Variants in PLCL1 observed in about 807,000 individuals in gnomAD.
PLCL1 encodes inactive phospholipase C-like protein 1.
PLCL1 carries 41 observed loss-of-function variants against 84.4 expected under a neutral mutation model. The observed-to-expected ratio is 0.49, with a 90% CI of 0.38 to 0.63. The LOEUF (loss-of-function observed/expected upper bound fraction) is 0.63. Ranked by LOEUF, PLCL1 falls within the 30% of genes least tolerant of loss-of-function variation. PLCL1 has a pLI of 0.00. For missense variants in PLCL1, 1,206 were observed against 1,367.8 expected, an observed-to-expected ratio of 0.88 and a Z score of 1.87; for synonymous variants, 490 against 488.3, an observed-to-expected ratio of 1.00 and a Z score of -0.05.
chr2:198,049,809 G>A (rs1462697824), intron 1 of PLCL1, among the ~76,000 whole-genome samples: 5 of 152,184 alleles, frequency 3.3e-5, no homozygotes, highest in Admixed American at 3.3e-4. Flanking sequence ...TCCATTGAAC[G>A]ATGAAACTGG....
chr2:198,075,692 T>A (rs1056057050), intron 1 of PLCL1, among the ~76,000 whole-genome samples: 3 of 152,210 alleles, frequency 2.0e-5, no homozygotes, highest in Non-Finnish European at 2.9e-5. Flanking sequence ...CTCATGAACA[T>A]CTTTAATGTT....
intron 1 of PLCL1, among the ~76,000 whole-genome samples, chr2:197,986,755 A>G (rs1690227568): frequency 6.6e-6 from 1 of 152,218 alleles, no homozygotes; most frequent in South Asian, 2.1e-4. Flanking sequence ...CTACCATCCC[A>G]AAGTCTGCTT....
chr2:198,129,643 C>G (rs1694073591), intron 5 of PLCL1, among the ~76,000 whole-genome samples: 1 of 152,140 alleles, frequency 6.6e-6, no homozygotes, highest in Non-Finnish European at 1.5e-5. Context: ...TAAATCTCTT[C>G]AAATATTTTA....
intron 1 of PLCL1, among the ~76,000 whole-genome samples, chr2:197,912,208 G>A (rs1452148704): frequency 6.6e-6 from 1 of 152,000 alleles, no homozygotes; most frequent in Non-Finnish European, 1.5e-5. Flanking sequence ...CATCATCACT[G>A]GCCATCAGAG....
chr2:197,809,431 G>A lies in PLCL1; in HGVS notation c.240+4092G>A, dbSNP rs138840286. 1.6e-4 allele frequency among the ~76,000 whole-genome samples: 24 copies of A among 152,302 alleles called. No individual in the cohort carries two copies. The East Asian group carries it at 4.2e-3, about 27-fold the overall frequency. ...ACGTGAGATAGTGACAGAAGAGTAC[G>A]CATCTTAGGTCCTATGGTTTGTGGG... On this transcript the variant is annotated intron_variant, in intron 1 of 5. Coordinates refer to ENST00000428675, the MANE Select transcript of PLCL1 (RefSeq NM_006226.4).
At chr2:197,954,589 T>C (rs1689450592) in intron 1 of PLCL1, among the ~76,000 whole-genome samples, 1 of 152,102 alleles carries the variant, frequency 6.6e-6, no homozygotes, top group African/African-American at 2.4e-5. Flanking sequence ...CATCATGTAA[T>C]GCGTGTGCAC....
chr2:197,816,586 A>T (rs976914010), intron 1 of PLCL1, among the ~76,000 whole-genome samples: 1 of 152,172 alleles, frequency 6.6e-6, no homozygotes, highest in Non-Finnish European at 1.5e-5. Context: ...GGTATAAATT[A>T]TATAGGCTAA....
rs138332809 is a variant in PLCL1, at chr2:198,009,569, CTG to C, written c.241-74187_241-74186del. Among the ~76,000 whole-genome samples the C allele has an allele frequency of 9.5e-3, 1,449 of 152,122 alleles. 21 individuals carry two copies. Among genetic ancestry groups the C allele is most frequent in the African/African-American group, 0.031 (1,295 of 41,530 alleles). On this transcript the variant is annotated intron_variant, in intron 1 of 5. Coordinates refer to ENST00000428675, the MANE Select transcript of PLCL1 (RefSeq NM_006226.4). ...GTATCTTACTTTAGGCCATACCACACTGTCTTAATTACTGTTTCTTTGCAGTA... is the reference window on the plus strand; with the variant it reads ...GTATCTTACTTTAGGCCATACCACACTCTTAATTACTGTTTCTTTGCAGTA...
intron 1 of PLCL1, among the ~76,000 whole-genome samples, chr2:197,925,448 T>C (rs1688813901): frequency 6.6e-6 from 1 of 152,214 alleles, no homozygotes; most frequent in African/African-American, 2.4e-5. Context: ...TTCCCAGATT[T>C]AACATTTTCA....
At chr2:197,952,650 T>C (rs1397888794) in intron 1 of PLCL1, among the ~76,000 whole-genome samples, 1 of 152,146 alleles carries the variant, frequency 6.6e-6, no homozygotes, top group Non-Finnish European at 1.5e-5. Flanking sequence ...CCTAATATGG[T>C]TGGCAAATCT....
intron 1 of PLCL1, among the ~76,000 whole-genome samples, chr2:197,922,476 A>G (rs1688722132): frequency 8.6e-6 from 1 of 116,734 alleles, no homozygotes; most frequent in Non-Finnish European, 1.9e-5. Flanking sequence ...CCGCCTTTCT[A>G]TTCCACAAAG....
intron 1 of PLCL1, among the ~76,000 whole-genome samples, chr2:197,867,466 C>G (rs891753999): frequency 1.3e-5 from 2 of 151,498 alleles, no homozygotes. Flanking sequence ...ATTTTCTCTT[C>G]GAGGAGTACT....
chr2:197,855,132 G>A (rs1687305909), intron 1 of PLCL1, among the ~76,000 whole-genome samples: 1 of 152,126 alleles, frequency 6.6e-6, no homozygotes, highest in Non-Finnish European at 1.5e-5. Flanking sequence ...AGGAAACTGG[G>A]GAAAGAATTT....
At chr2:198,104,003 A>G (rs1693410108) in intron 5 of PLCL1, 67 bp downstream of exon 5, 1 of 713,606 alleles carries the variant, frequency 1.4e-6, no homozygotes, top group African/African-American at 1.9e-5. Flanking sequence ...CAATGTGTAG[A>G]GAAATGTAAA....
intron 1 of PLCL1, among the ~76,000 whole-genome samples, chr2:197,914,982 G>A (rs1688563396): frequency 2.0e-5 from 3 of 152,142 alleles, no homozygotes; most frequent in Non-Finnish European, 4.4e-5. Context: ...GATTCATATT[G>A]TTGGAATTAA....
chr2:198,071,378 G>A (rs940640452), intron 1 of PLCL1, among the ~76,000 whole-genome samples: 12 of 151,708 alleles, frequency 7.9e-5, no homozygotes, highest in Admixed American at 7.9e-4. Context: ...TTAAATTGCT[G>A]GATCAAAGTA....
intron 1 of PLCL1, among the ~76,000 whole-genome samples, chr2:197,855,668 T>C (rs1687318334): frequency 6.6e-6 from 1 of 152,122 alleles, no homozygotes; most frequent in African/African-American, 2.4e-5. Flanking sequence ...TAGCTAACTT[T>C]ACTCCTTGCC....
At chr2:197,870,518 T>C (rs1197205147) in intron 1 of PLCL1, among the ~76,000 whole-genome samples, 2 of 152,058 alleles carry the variant, frequency 1.3e-5, no homozygotes, top group Non-Finnish European at 2.9e-5. Context: ...GATGCATATT[T>C]GGGAACCTCT....
intron 1 of PLCL1, among the ~76,000 whole-genome samples, chr2:197,933,477 A>G (rs1461421081): frequency 1.3e-5 from 2 of 151,898 alleles, no homozygotes; most frequent in African/African-American, 4.8e-5. Context: ...GTTAGCTAGT[A>G]TGTGTTGTTT....
Sources: gnomAD v4.1 joint callset for allele counts (sites outside exome capture counted in the v4.1 genomes callset) on GRCh38, gnomAD v4.1.1 for gene constraint, MANE v1.5 for transcripts, NCBI Gene and HGNC (gene_info 2026-07-23, HGNC 2026-07-21) for gene names.